The following NAV2 variants were observed in gnomAD, a reference collection of about 807,000 sequenced individuals.
NAV2 encodes the protein helicase, APC down-regulated 1.
In NAV2, 54 loss-of-function variants were observed where a neutral mutation model predicts 223.2. The ratio of observed to expected loss-of-function variants is 0.24; its 90% CI spans 0.19 to 0.30. The LOEUF (loss-of-function observed/expected upper bound fraction) is 0.30, where lower values mean the gene tolerates loss of function less well. Among genes scored for constraint, NAV2 ranks in the 10% least tolerant of loss-of-function variants. The pLI, the probability that NAV2 is intolerant of heterozygous loss-of-function variation, is 1.00. For missense variants in NAV2, 2,806 were observed against 3,147.5 expected (o/e 0.89, Z 2.60); for synonymous variants, 1,279 against 1,239.3 (o/e 1.03, Z -0.67).
chr11:20,091,132 TC>T, intron 27 of NAV2, 114 bp downstream of exon 27: 1 of 1,085,428 alleles, frequency 9.2e-7, no homozygotes, highest in Non-Finnish European at 1.3e-6. Flanking sequence ...GCCCTCGCTT[TC>T]CCAGCCTTTA....
intron 1 of NAV2, among the ~76,000 whole-genome samples, chr11:19,654,579 A>C (rs1214300220): frequency 6.6e-6 from 1 of 152,212 alleles, no homozygotes; most frequent in Non-Finnish European, 1.5e-5. Flanking sequence ...GCCCTCAAAA[A>C]TAATGCCACA....
intron 1 of NAV2, among the ~76,000 whole-genome samples, chr11:19,361,702 G>A (rs1124099): frequency 0.94 from 143,123 of 152,172 alleles, 67,937 homozygotes; most frequent in East Asian, 1. Flanking sequence ...TCAATCACTG[G>A]CAGGGCCTGC....
At chr11:19,609,556 C>A (rs1329045064) in intron 1 of NAV2, among the ~76,000 whole-genome samples, 1 of 152,134 alleles carries the variant, frequency 6.6e-6, no homozygotes, top group Non-Finnish European at 1.5e-5. Context: ...ATCACCAGTT[C>A]ATTCATCCTG....
At chr11:19,644,082 A>ACACACG (rs1444428322) in intron 1 of NAV2, among the ~76,000 whole-genome samples, 1 of 151,684 alleles carries the variant, frequency 6.6e-6, no homozygotes, top group Non-Finnish European at 1.5e-5. Context: ...GTGCATGTGC[A>ACACACG]CACACACACA....
At chr11:19,444,241 C>CTTATTAT (rs1362795842) in intron 1 of NAV2, among the ~76,000 whole-genome samples, 1 of 152,128 alleles carries the variant, frequency 6.6e-6, no homozygotes, top group East Asian at 1.9e-4. Flanking sequence ...GTGCCTGGCC[C>CTTATTAT]TTATTATTAT....
intron 10 of NAV2, among the ~76,000 whole-genome samples, chr11:19,980,094 G>A (rs1482712159): frequency 1.3e-5 from 2 of 152,152 alleles, no homozygotes; most frequent in African/African-American, 4.8e-5. Context: ...TGAACAACTT[G>A]GGTCTAACAA....
At chr11:19,467,193 A>G (rs910573712) in intron 1 of NAV2, among the ~76,000 whole-genome samples, 1 of 152,204 alleles carries the variant, frequency 6.6e-6, no homozygotes, top group Non-Finnish European at 1.5e-5. Context: ...CAGAATTAAC[A>G]TTTTTAATAT....
intron 1 of NAV2, among the ~76,000 whole-genome samples, chr11:19,740,289 T>G (rs772493847): frequency 1.3e-5 from 2 of 152,122 alleles, no homozygotes; most frequent in African/African-American, 2.4e-5. Context: ...ATGAAACGTG[T>G]GCTGTGTCAA....
At chr11:19,708,899 TAAAAAAAA>T (rs77460734), upstream of NAV2, among the ~76,000 whole-genome samples, 2 of 114,568 alleles carry the variant, frequency 1.7e-5, no homozygotes, top group Admixed American at 9.2e-5. Flanking sequence ...ATGCATATAG[TAAAAAAAA>T]AAAAAAAAGA....
intron 1 of NAV2, among the ~76,000 whole-genome samples, chr11:19,662,684 A>G (rs558059490): frequency 7.9e-5 from 12 of 152,286 alleles, no homozygotes; most frequent in African/African-American, 2.4e-4. Flanking sequence ...CTTCCTTAAG[A>G]TGAAGCTCTG....
At chr11:20,098,101 C>G (rs1439340446) in intron 31 of NAV2, among the ~76,000 whole-genome samples, 2 of 152,150 alleles carry the variant, frequency 1.3e-5, no homozygotes, top group African/African-American at 4.8e-5. Context: ...ATGGGAAAAC[C>G]ACGACTTGCA....
intron 1 of NAV2, among the ~76,000 whole-genome samples, chr11:19,682,663 G>A (rs2048911353): frequency 6.6e-6 from 1 of 152,184 alleles, no homozygotes; most frequent in Admixed American, 6.5e-5. Flanking sequence ...ATAGCAGAAG[G>A]GATGGGGGGC....
At chr11:19,929,142 G>A (rs977633641) in intron 6 of NAV2, among the ~76,000 whole-genome samples, 6 of 152,066 alleles carry the variant, frequency 3.9e-5, no homozygotes, top group African/African-American at 1.2e-4. Context: ...GGTGGTACTC[G>A]TCTGTAAGGC....
intron 1 of NAV2, among the ~76,000 whole-genome samples, chr11:19,564,477 G>C (rs1374431871): frequency 6.6e-6 from 1 of 152,228 alleles, no homozygotes; most frequent in African/African-American, 2.4e-5. Context: ...TCGGGCTCTG[G>C]CAGGCCCTCG....
Position 19,713,210 on chromosome 11 carries a change from C to A in NAV2, c.-486C>A. 1.5e-6 allele frequency: 1 copy of A among 649,914 alleles called. No individual in the cohort carries two copies. The highest frequency in any genetic ancestry group is 1.9e-6 in the Non-Finnish European group (1 of 522,962). 40.3% of individuals were successfully genotyped at this position (649,914 alleles called of 1,614,324 possible). ...CCTTCCTTCGCTGCTGTCTCCTTTC[C>A]TTCCTTGGCTGCTCGCTCTTTCTCT... is the stretch of plus-strand genomic sequence containing the variant. On this transcript the variant is annotated 5_prime_UTR_variant, in exon 1 of 38. Transcript: ENST00000349880. The surrounding 1 kb of genome is among the most constrained non-coding windows in gnomAD (Gnocchi z 7.2).
At chr11:20,047,929 T>G (rs1222062978) in intron 14 of NAV2, among the ~76,000 whole-genome samples, 1 of 152,184 alleles carries the variant, frequency 6.6e-6, no homozygotes, top group Non-Finnish European at 1.5e-5. Flanking sequence ...TAAAGATAAT[T>G]TCAACATTCT....
chr11:19,950,389 A>G (rs554779322), intron 10 of NAV2, among the ~76,000 whole-genome samples: 43 of 152,376 alleles, frequency 2.8e-4, no homozygotes, highest in Middle Eastern at 3.4e-3. Context: ...GAGATGAGGA[A>G]GGTGAAGTCC....
chr11:19,815,395 C>T (rs1309393336), intron 1 of NAV2, among the ~76,000 whole-genome samples: 13 of 152,206 alleles, frequency 8.5e-5, no homozygotes, highest in Admixed American at 6.5e-4. Context: ...TCTAGGCTCA[C>T]TGCCCTGTGG....
At chr11:19,437,530 C>T (rs1197660870) in intron 1 of NAV2, among the ~76,000 whole-genome samples, 1 of 152,110 alleles carries the variant, frequency 6.6e-6, no homozygotes, top group Non-Finnish European at 1.5e-5. Context: ...GCAAAATTAA[C>T]TCTGGAAAAT....
Sources: gnomAD v4.1 joint callset for allele counts (sites outside exome capture counted in the v4.1 genomes callset) on GRCh38, gnomAD v4.1.1 for gene constraint, Gnocchi (gnomAD v3.1) non-coding constraint, MANE v1.5 for transcripts, NCBI Gene and HGNC (gene_info 2026-07-23, HGNC 2026-07-21) for gene names.